TRPC7: variants seen among roughly 807,000 people sequenced by gnomAD.
TRPC7 encodes transient receptor potential cation channel subfamily C member 7.
TRPC7 carries 42 observed loss-of-function variants against 90.1 expected under a neutral mutation model. The observed-to-expected ratio is 0.47, with a 90% CI of 0.36 to 0.60. The LOEUF (loss-of-function observed/expected upper bound fraction) is 0.60. Among genes scored for constraint, TRPC7 ranks in the 20% least tolerant of loss-of-function variants. TRPC7 has a pLI of 0.00. For missense variants in TRPC7, 955 were observed against 1,112.3 expected, an observed-to-expected ratio of 0.86 and a Z score of 2.01; for synonymous variants, 451 against 436.3, an observed-to-expected ratio of 1.03 and a Z score of -0.42.
chr5:136,292,357 T>G (rs1757987721), intron 3 of TRPC7, among the ~76,000 whole-genome samples: 1 of 152,118 alleles, frequency 6.6e-6, no homozygotes, highest in South Asian at 2.1e-4. Context: ...ATCCAGGAGC[T>G]GGTTTTTTGA....
chr5:136,274,837 A>G lies in TRPC7; in HGVS notation c.964T>C (p.Phe322Leu). 1.9e-6 allele frequency: 3 copies of G among 1,556,056 alleles called. No individual in the cohort carries two copies. The highest frequency in any genetic ancestry group is 2.6e-6 in the Non-Finnish European group (3 of 1,150,226). ...KLAIKYEVKK[F>L]VAHPNCQQQL... Reference sequence around the variant, plus strand: ...TGCTGACAGTTAGGATGAGCAACGAACTGTAAAAACAAAACAAAAACAAAA... The same window carrying G: ...TGCTGACAGTTAGGATGAGCAACGAGCTGTAAAAACAAAACAAAAACAAAA... Residue 322 changes from phenylalanine to leucine, a missense_variant and splice_region_variant, in exon 4 of 12, where the codon TTC becomes CTC. Transcript: ENST00000513104.
intron 5 of TRPC7, among the ~76,000 whole-genome samples, chr5:136,260,419 C>T (rs1756819620): frequency 6.6e-6 from 1 of 152,068 alleles, no homozygotes; most frequent in Admixed American, 6.6e-5. Flanking sequence ...GCGGAGGATA[C>T]TGTTGAGTAA....
chr5:136,233,994 CA>C (rs1487834030), intron 7 of TRPC7, among the ~76,000 whole-genome samples: 1 of 152,176 alleles, frequency 6.6e-6, no homozygotes, highest in Non-Finnish European at 1.5e-5. Context: ...GTAATATTTA[CA>C]AATCTCGAGG....
chr5:136,220,095 G>A (rs899866863), intron 10 of TRPC7, among the ~76,000 whole-genome samples: 3 of 152,126 alleles, frequency 2.0e-5, no homozygotes, highest in African/African-American at 4.8e-5. Context: ...GTCTTTGTAA[G>A]CTGAGGATGT....
At chr5:136,362,474 C>G (rs1760599156) in intron 1 of TRPC7, among the ~76,000 whole-genome samples, 1 of 152,060 alleles carries the variant, frequency 6.6e-6, no homozygotes, top group Non-Finnish European at 1.5e-5. Flanking sequence ...GTACATAAAT[C>G]ATTAAGCAAA....
At chr5:136,292,688 G>T (rs1328048561) in intron 3 of TRPC7, among the ~76,000 whole-genome samples, 1 of 152,166 alleles carries the variant, frequency 6.6e-6, no homozygotes, top group African/African-American at 2.4e-5. Flanking sequence ...GGACCAGATG[G>T]ATTCACAGCC....
chr5:136,213,359 C>A lies in TRPC7; in HGVS notation c.*76G>T. On this transcript the variant is annotated 3_prime_UTR_variant, in exon 12 of 12. Transcript: ENST00000513104. ...AGAGGAGTGGGCTGGGGACCCCTCC[C>A]CACCAAGGATGGGGGCGAGGGCATC... The A allele has an allele frequency of 6.6e-7, 1 of 1,516,764 alleles. No homozygotes were observed. The highest frequency in any genetic ancestry group is 9.0e-7 in the Non-Finnish European group (1 of 1,116,222). The allele number at this position is 1,516,764 out of a possible 1,614,324, so 94.0% of individuals were successfully genotyped here.
chr5:136,293,952 A>G (rs947743902), intron 3 of TRPC7, among the ~76,000 whole-genome samples: 2 of 152,200 alleles, frequency 1.3e-5, no homozygotes, highest in African/African-American at 2.4e-5. Flanking sequence ...GATATAGACC[A>G]ATGGAACAGA....
intron 7 of TRPC7, among the ~76,000 whole-genome samples, chr5:136,234,413 G>A (rs1755923143): frequency 6.6e-6 from 1 of 151,918 alleles, no homozygotes; most frequent in Non-Finnish European, 1.5e-5. Context: ...GGGTTTAAGT[G>A]ATTCTCCTGC....
intron 2 of TRPC7, among the ~76,000 whole-genome samples, chr5:136,334,662 A>C (rs1162615661): frequency 1.3e-5 from 2 of 152,262 alleles, no homozygotes; most frequent in African/African-American, 4.8e-5. Context: ...GCCCTGTCAA[A>C]GTGCTCTCCA....
chr5:136,315,583 A>AT lies in TRPC7; in HGVS notation c.963+13dup. 1 of 1,612,844 alleles carries AT rather than the reference A, an allele frequency of 6.2e-7. No homozygotes were observed. The highest frequency in any genetic ancestry group is 8.5e-7 in the Non-Finnish European group (1 of 1,179,142). ...AGGTGAGATGGGAAGACCAGGAGAG[A>AT]TGGGGGAGCTTACCTTCTTGACTTC... On this transcript the variant is annotated intron_variant, in intron 3 of 11. Transcript: ENST00000513104.
intron 2 of TRPC7, among the ~76,000 whole-genome samples, chr5:136,318,765 T>C (rs971759842): frequency 1.3e-5 from 2 of 151,968 alleles, no homozygotes; most frequent in African/African-American, 4.8e-5. Flanking sequence ...TCCAGCTCAC[T>C]CCCTCTAGGA....
chr5:136,337,712 C>G (rs1345748603), intron 2 of TRPC7, among the ~76,000 whole-genome samples: 2 of 151,764 alleles, frequency 1.3e-5, no homozygotes, highest in African/African-American at 4.8e-5. Context: ...CTTCAAATTT[C>G]CAATGTGCTA....
chr5:136,347,198 G>T (rs1044661175), intron 2 of TRPC7, among the ~76,000 whole-genome samples: 2 of 152,144 alleles, frequency 1.3e-5, no homozygotes, highest in Non-Finnish European at 2.9e-5. Context: ...AGAGAATAAG[G>T]TTCTGTGGTT....
chr5:136,221,596 TCCAGAGGGAAGAAATGTGGTCA>T lies in TRPC7; in HGVS notation c.2343+3656_2343+3677del, dbSNP rs1418852996. ...ACTGATGATGGCCAATGAGGTAGGA[TCCAGAGGGAAGAAATGTGGTCA>T]CCTAGGAAAACAGAAATTGAGGAAC... is the stretch of plus-strand genomic sequence containing the variant. On this transcript the variant is annotated intron_variant, in intron 10 of 11. Transcript: ENST00000513104. 2.6e-5 allele frequency among the ~76,000 whole-genome samples: 4 copies of T among 152,166 alleles called. No homozygotes were observed. In the East Asian group the frequency reaches 7.7e-4, roughly 29 times the overall value.
At chr5:136,349,065 T>A (rs756808558) in intron 2 of TRPC7, among the ~76,000 whole-genome samples, 1 of 152,188 alleles carries the variant, frequency 6.6e-6, no homozygotes, top group Non-Finnish European at 1.5e-5. Context: ...GTGATGAATC[T>A]TTTCCACGGA....
intron 3 of TRPC7, among the ~76,000 whole-genome samples, chr5:136,292,291 T>A (rs1757985808): frequency 6.6e-6 from 1 of 151,618 alleles, no homozygotes; most frequent in Non-Finnish European, 1.5e-5. Flanking sequence ...ATAACTAAGA[T>A]CAGAGCAGAA....
chr5:136,364,534 A>T (rs148105525), intron 1 of TRPC7, among the ~76,000 whole-genome samples: 3 of 152,324 alleles, frequency 2.0e-5, no homozygotes, highest in African/African-American at 7.2e-5. Context: ...GTGCCACCAG[A>T]CAGGGTCAAT....
chr5:136,306,342 A>T (rs344828), intron 3 of TRPC7, among the ~76,000 whole-genome samples: 3 of 151,852 alleles, frequency 2.0e-5, no homozygotes, highest in African/African-American at 4.8e-5. Flanking sequence ...TAATTCTTCA[A>T]GACAAATTTT....
Sources: gnomAD v4.1 joint callset for allele counts (sites outside exome capture counted in the v4.1 genomes callset) on GRCh38, gnomAD v4.1.1 for gene constraint, MANE v1.5 for transcripts, NCBI Gene and HGNC (gene_info 2026-07-23, HGNC 2026-07-21) for gene names.